Variants in LDB2 observed in about 807,000 individuals in gnomAD.
The protein encoded by LDB2 is LIM domain binding 2.
A neutral mutation model predicts 44.3 loss-of-function variants in LDB2; 12 were observed. The observed-to-expected ratio is 0.27, with a 90% CI of 0.17 to 0.44. The LOEUF (loss-of-function observed/expected upper bound fraction) is 0.44. LDB2 is among the 20% of genes least tolerant of loss of function. LDB2 has a pLI of 1.00. For missense variants in LDB2, 344 were observed against 473.5 expected, an observed-to-expected ratio of 0.73 and a Z score of 2.54; for synonymous variants, 164 against 174.8, an observed-to-expected ratio of 0.94 and a Z score of 0.49.
chr4:16,507,787 G>A (rs574125197), intron 7 of LDB2, among the ~76,000 whole-genome samples: 2 of 152,294 alleles, frequency 1.3e-5, no homozygotes, highest in South Asian at 4.1e-4. Flanking sequence ...GGGGAGTTAG[G>A]AGATGGGAGG....
intron 2 of LDB2, among the ~76,000 whole-genome samples, chr4:16,716,105 G>A (rs763938895): frequency 7.2e-5 from 11 of 152,114 alleles, no homozygotes; most frequent in Non-Finnish European, 1.5e-4. Context: ...ACTTTCTTGA[G>A]AGTAACAATC....
At chr4:16,804,433 C>A (rs1381240027) in intron 1 of LDB2, among the ~76,000 whole-genome samples, 3 of 152,046 alleles carry the variant, frequency 2.0e-5, no homozygotes, top group African/African-American at 7.2e-5. Flanking sequence ...TAAATTGTCC[C>A]CTGTATCTTG....
At chr4:16,831,213 A>G (rs1372987087) in intron 1 of LDB2, among the ~76,000 whole-genome samples, 1 of 143,904 alleles carries the variant, frequency 6.9e-6, no homozygotes, top group Non-Finnish European at 1.5e-5. Context: ...TGCAAATATC[A>G]TAAGGGAAGA....
At chr4:16,848,907 A>C (rs532947110) in intron 1 of LDB2, among the ~76,000 whole-genome samples, 2 of 152,088 alleles carry the variant, frequency 1.3e-5, no homozygotes, top group East Asian at 3.9e-4. Context: ...CCAGTAATGC[A>C]CTCTCTGCAT....
At chr4:16,561,044 C>A (rs1307433740) in intron 5 of LDB2, among the ~76,000 whole-genome samples, 2 of 152,058 alleles carry the variant, frequency 1.3e-5, no homozygotes, top group Non-Finnish European at 1.5e-5. Flanking sequence ...CTCTCAATAA[C>A]TTAGGTATTG....
chr4:16,896,555 A>T (rs1191812622), intron 1 of LDB2, among the ~76,000 whole-genome samples: 1 of 152,180 alleles, frequency 6.6e-6, no homozygotes, highest in Admixed American at 6.5e-5. Context: ...GATGGAGAAG[A>T]ATCTCTGCAA....
In LDB2 at chr4:16,572,317, C is replaced by G. The variant is rs975896981; in HGVS notation, c.615+13605G>C. Among the ~76,000 whole-genome samples the G allele has an allele frequency of 3.3e-5, 5 of 152,184 alleles. 1 individual carries two copies. The highest frequency in any genetic ancestry group is 7.3e-5 in the Non-Finnish European group (5 of 68,032). ...CTGAGCTCCATCTGCACTTAACTTG[C>G]AATCCCTCGGCTTTCCCTTAGACTG... On this transcript the variant is annotated intron_variant, in intron 5 of 7. Coordinates refer to ENST00000304523, the MANE Select transcript of LDB2 (RefSeq NM_001290.5).
chr4:16,519,399 T>A (rs1416590445), intron 5 of LDB2, among the ~76,000 whole-genome samples: 2 of 151,192 alleles, frequency 1.3e-5, no homozygotes, highest in African/African-American at 2.4e-5. Flanking sequence ...AGAGAAGAGG[T>A]TCAGTCAAGT....
chr4:16,609,252 C>T (rs979361835), intron 2 of LDB2, among the ~76,000 whole-genome samples: 1 of 151,696 alleles, frequency 6.6e-6, no homozygotes, highest in Non-Finnish European at 1.5e-5. Context: ...TGCGAACCCA[C>T]GCCACCGGGG....
intron 2 of LDB2, among the ~76,000 whole-genome samples, chr4:16,680,334 T>C (rs971565422): frequency 1.3e-5 from 2 of 152,176 alleles, no homozygotes; most frequent in Non-Finnish European, 2.9e-5. Flanking sequence ...CCTGACTCAG[T>C]GAAATGGAAG....
At chr4:16,628,711 A>G (rs1731008924) in intron 2 of LDB2, among the ~76,000 whole-genome samples, 1 of 152,006 alleles carries the variant, frequency 6.6e-6, no homozygotes, top group South Asian at 2.1e-4. Flanking sequence ...TGATTTCTGC[A>G]TTTCCAACTG....
chr4:16,868,359 T>C (rs942312246), intron 1 of LDB2, among the ~76,000 whole-genome samples: 56 of 152,330 alleles, frequency 3.7e-4, no homozygotes, highest in African/African-American at 1.2e-3. Flanking sequence ...AGGGGCAGCA[T>C]TGTCAGAATG....
intron 1 of LDB2, among the ~76,000 whole-genome samples, chr4:16,848,508 T>A (rs1490728851): frequency 1.3e-5 from 2 of 152,174 alleles, no homozygotes; most frequent in Non-Finnish European, 2.9e-5. Flanking sequence ...AGAGTCTAGT[T>A]AGCATGTGGA....
At chr4:16,608,497 T>C (rs1280972938) in intron 2 of LDB2, among the ~76,000 whole-genome samples, 1 of 152,208 alleles carries the variant, frequency 6.6e-6, no homozygotes, top group Non-Finnish European at 1.5e-5. Context: ...CTGTGGGGTA[T>C]GACATTCTGT....
intron 2 of LDB2, among the ~76,000 whole-genome samples, chr4:16,695,369 A>G (rs1188278939): frequency 2.0e-5 from 3 of 152,042 alleles, no homozygotes; most frequent in African/African-American, 7.2e-5. Flanking sequence ...TGTCTCTACT[A>G]AAAATACAAA....
rs529198707 is a variant in LDB2 at position 16,842,905 on chromosome 4, T to G, written c.132+55449A>C. 5.3e-5 allele frequency among the ~76,000 whole-genome samples: 8 copies of G among 152,322 alleles called. No homozygotes were observed. In the South Asian group the frequency reaches 1.7e-3, roughly 32 times the overall value. ...ACTGTGAGGATTAAATGAGTAAATG[T>G]ATATTAAGCTCATAAAGCCTAACAC... On this transcript the variant is annotated intron_variant, in intron 1 of 7. Coordinates refer to ENST00000304523, the MANE Select transcript of LDB2 (RefSeq NM_001290.5).
chr4:16,685,807 T>C (rs1184440051), intron 2 of LDB2, among the ~76,000 whole-genome samples: 1 of 151,998 alleles, frequency 6.6e-6, no homozygotes, highest in Non-Finnish European at 1.5e-5. Context: ...CCAGCACTTT[T>C]GGAGGCCGAG....
At chr4:16,848,887 C>T (rs1242110815) in intron 1 of LDB2, among the ~76,000 whole-genome samples, 1 of 152,008 alleles carries the variant, frequency 6.6e-6, no homozygotes, top group Non-Finnish European at 1.5e-5. Flanking sequence ...CTCAATCATC[C>T]ACACTCTTTC....
At chr4:16,551,499 A>ATTTATT (rs574662888) in intron 5 of LDB2, among the ~76,000 whole-genome samples, 1 of 151,854 alleles carries the variant, frequency 6.6e-6, no homozygotes, top group Non-Finnish European at 1.5e-5. Context: ...TCAACTATCT[A>ATTTATT]TTTATTTTTA....
Sources: allele counts gnomAD v4.1 joint callset (sites outside exome capture counted in the v4.1 genomes callset), GRCh38; gene constraint gnomAD v4.1.1; transcripts MANE v1.5; gene names NCBI Gene and HGNC (gene_info 2026-07-23, HGNC 2026-07-21).